Variants in ADGRB3 observed in about 807,000 individuals in gnomAD.
ADGRB3 encodes the protein brain-specific angiogenesis inhibitor 3.
ADGRB3 carries 37 observed loss-of-function variants against 193.4 expected under a neutral mutation model. The observed-to-expected ratio is 0.19, with a 90% CI of 0.15 to 0.25. The LOEUF is 0.25. ADGRB3 is among the 10% of genes least tolerant of loss of function. The pLI, the probability that ADGRB3 is intolerant of heterozygous loss-of-function variation, is 1.00. For missense variants in ADGRB3, 1,637 were observed against 1,852.9 expected, an observed-to-expected ratio of 0.88 and a Z score of 2.14; for synonymous variants, 690 against 644.2, an observed-to-expected ratio of 1.07 and a Z score of -1.08.
chr6:68,775,892 T>C (rs1362855872), intron 3 of ADGRB3, among the ~76,000 whole-genome samples: 6 of 152,198 alleles, frequency 3.9e-5, no homozygotes, highest in Non-Finnish European at 8.8e-5. Flanking sequence ...ACTGATTTAC[T>C]ATAAAGCCAT....
intron 3 of ADGRB3, among the ~76,000 whole-genome samples, chr6:68,808,290 C>T (rs886565778): frequency 1.3e-5 from 2 of 152,136 alleles, no homozygotes; most frequent in Non-Finnish European, 2.9e-5. Flanking sequence ...TATCATCCAC[C>T]ACCTTATCAG....
chr6:69,214,143 G>C (rs1765725220), intron 17 of ADGRB3, among the ~76,000 whole-genome samples: 1 of 152,186 alleles, frequency 6.6e-6, no homozygotes. Flanking sequence ...TGCAGGGGTA[G>C]AGGAGAGGAA....
intron 3 of ADGRB3, among the ~76,000 whole-genome samples, chr6:68,881,435 A>G (rs1284872836): frequency 6.6e-6 from 1 of 152,144 alleles, no homozygotes; most frequent in Non-Finnish European, 1.5e-5. Context: ...GAGTAGCTGA[A>G]CTATATTCAA....
chr6:68,761,631 G>A (rs1391031290), intron 3 of ADGRB3, among the ~76,000 whole-genome samples: 1 of 151,304 alleles, frequency 6.6e-6, no homozygotes, highest in Non-Finnish European at 1.5e-5. Context: ...TATTATATAG[G>A]CTGTAGGTGA....
chr6:69,093,735 G>T lies in ADGRB3; in HGVS notation c.2480+17697G>T, dbSNP rs543067538. Among the ~76,000 whole-genome samples the T allele has an allele frequency of 8.6e-5, 13 of 151,926 alleles. No homozygotes were observed. In the South Asian group the frequency reaches 2.3e-3, roughly 27 times the overall value. On this transcript the variant is annotated intron_variant, in intron 17 of 31. Coordinates refer to ENST00000370598, the MANE Select transcript of ADGRB3 (RefSeq NM_001704.3). Reference sequence around the variant, plus strand: ...AGTAGGTGAGCAGCCTAGGTTCAGGGAAAGAGAGGGTGTGACAGCCTAAGT... The same window carrying T: ...AGTAGGTGAGCAGCCTAGGTTCAGGTAAAGAGAGGGTGTGACAGCCTAAGT...
chr6:69,319,125 A>G (rs563851709), intron 20 of ADGRB3, among the ~76,000 whole-genome samples: 1 of 151,098 alleles, frequency 6.6e-6, no homozygotes, highest in South Asian at 2.1e-4. Context: ...TTTTCTATCT[A>G]TTTAAGTCTA....
At chr6:68,770,573 T>C (rs982234353) in intron 3 of ADGRB3, among the ~76,000 whole-genome samples, 16 of 152,300 alleles carry the variant, frequency 1.1e-4, no homozygotes, top group East Asian at 5.8e-4. Flanking sequence ...GGAATACTTA[T>C]ACTCTGTTCT....
chr6:69,212,587 G>A (rs1022260289), intron 17 of ADGRB3, among the ~76,000 whole-genome samples: 4 of 151,966 alleles, frequency 2.6e-5, no homozygotes, highest in Non-Finnish European at 5.9e-5. Flanking sequence ...TATTCCTCCA[G>A]ACATTCATCA....
intron 10 of ADGRB3, among the ~76,000 whole-genome samples, chr6:68,977,064 A>G (rs1382227148): frequency 6.7e-6 from 1 of 148,968 alleles, no homozygotes; most frequent in African/African-American, 2.4e-5. Context: ...TTATATTTAT[A>G]TATTATATGC....
chr6:69,228,472 T>G (rs1223605653), intron 17 of ADGRB3, among the ~76,000 whole-genome samples: 2 of 152,162 alleles, frequency 1.3e-5, no homozygotes, highest in African/African-American at 4.8e-5. Context: ...TTAACAGGTA[T>G]AGAGGAGCAT....
At chr6:69,157,582 A>G (rs1311923888) in intron 17 of ADGRB3, among the ~76,000 whole-genome samples, 2 of 152,072 alleles carry the variant, frequency 1.3e-5, no homozygotes, top group Non-Finnish European at 2.9e-5. Flanking sequence ...GATTCTAGAA[A>G]AGGCCTATGG....
chr6:68,886,891 A>G (rs1460936236), intron 3 of ADGRB3, among the ~76,000 whole-genome samples: 1 of 151,988 alleles, frequency 6.6e-6, no homozygotes, highest in Non-Finnish European at 1.5e-5. Context: ...TCCTGAATTA[A>G]TAATTGTAGA....
At chr6:68,694,056 A>C (rs886753353) in intron 3 of ADGRB3, among the ~76,000 whole-genome samples, 1 of 151,964 alleles carries the variant, frequency 6.6e-6, no homozygotes, top group Non-Finnish European at 1.5e-5. Flanking sequence ...AATATTTTTC[A>C]TTCTGAACTT....
chr6:68,929,465 T>TA (rs2150245766), intron 3 of ADGRB3, among the ~76,000 whole-genome samples: 1 of 152,258 alleles, frequency 6.6e-6, no homozygotes, highest in East Asian at 1.9e-4. Flanking sequence ...AATTAGTGCT[T>TA]ACAAGATACA....
At position 69,074,746 on chromosome 6, in the gene ADGRB3, T is replaced by C. The variant is rs537263696; in HGVS notation, c.2437-1249T>C. Reference sequence around the variant, plus strand: ...ATTTTTAGTACAGACGGGGTTTCACTGTGTTAGCCAGGATGGTCTCAATCT... The same window carrying C: ...ATTTTTAGTACAGACGGGGTTTCACCGTGTTAGCCAGGATGGTCTCAATCT... On this transcript the variant is annotated intron_variant, in intron 16 of 31. Coordinates refer to ENST00000370598, the MANE Select transcript of ADGRB3 (RefSeq NM_001704.3). Among the ~76,000 whole-genome samples the C allele has an allele frequency of 2.3e-4, 35 of 151,982 alleles. 1 individual carries two copies. The highest frequency in any genetic ancestry group is 1.2e-3 in the South Asian group (6 of 4,806).
chr6:69,219,421 C>A, intron 17 of ADGRB3, among the ~76,000 whole-genome samples: 1 of 137,790 alleles, frequency 7.3e-6, no homozygotes, highest in South Asian at 2.3e-4. Flanking sequence ...ACTAAATATG[C>A]TAGACATTTC....
At chr6:68,784,563 A>T (rs1186563390) in intron 3 of ADGRB3, among the ~76,000 whole-genome samples, 1 of 152,034 alleles carries the variant, frequency 6.6e-6, no homozygotes, top group African/African-American at 2.4e-5. Flanking sequence ...TTCACTAGCA[A>T]TTGTCTACAT....
At chr6:69,338,802 A>G in intron 24 of ADGRB3, 114 bp from the exon 25 acceptor site, 1 of 842,138 alleles carries the variant, frequency 1.2e-6, no homozygotes, top group Non-Finnish European at 2.0e-6. Context: ...TACATTTTTG[A>G]TAAATATACT....
At chr6:69,249,099 T>C (rs1236485734) in intron 20 of ADGRB3, among the ~76,000 whole-genome samples, 1 of 152,178 alleles carries the variant, frequency 6.6e-6, no homozygotes, top group Admixed American at 6.5e-5. Context: ...TGCCTTAGCC[T>C]CCTGAGTAGC....
Sources: gnomAD v4.1 joint callset for allele counts (sites outside exome capture counted in the v4.1 genomes callset) on GRCh38, gnomAD v4.1.1 for gene constraint, MANE v1.5 for transcripts, NCBI Gene and HGNC (gene_info 2026-07-23, HGNC 2026-07-21) for gene names.